EVC2: variants seen among roughly 807,000 people sequenced by gnomAD.
EVC2 encodes limbin.
EVC2 carries 148 observed loss-of-function variants against 149.3 expected under a neutral mutation model. The ratio of observed to expected loss-of-function variants is 0.99; its 90% confidence interval spans 0.87 to 1.14. EVC2 has a LOEUF of 1.14. Ranked by LOEUF, EVC2 falls within the 50% of genes most tolerant of loss-of-function variation. EVC2 has a pLI of 0.00. For missense variants in EVC2, 1,854 were observed against 1,627.3 expected, an observed-to-expected ratio of 1.14 and a Z score of -2.40; for synonymous variants, 776 against 649.9, an observed-to-expected ratio of 1.19 and a Z score of -2.95.
intron 21 of EVC2, among the ~76,000 whole-genome samples, chr4:5,553,628 T>G (rs1017681286): frequency 3.9e-5 from 6 of 152,120 alleles, no homozygotes; most frequent in African/African-American, 1.2e-4. Context: ...ATAAAATTTT[T>G]CAAAAATTAG....
At chr4:5,557,314 A>C (rs1319140571) in intron 21 of EVC2, among the ~76,000 whole-genome samples, 1 of 152,180 alleles carries the variant, frequency 6.6e-6, no homozygotes, top group Admixed American at 6.5e-5. Context: ...CGGGCTAAAG[A>C]AAAAATCCTA....
chr4:5,554,605 G>T lies in EVC2; in HGVS notation c.3419+10653C>A, dbSNP rs141135286. On this transcript the variant is annotated intron_variant and NMD_transcript_variant, in intron 21 of 22. Coordinates refer to the EVC2 transcript ENST00000475313. ...CCCTTCCCCAGCACACCACCAGAGG[G>T]AAGACATTTTCCTGGCTCCAGCCCC... Among the ~76,000 whole-genome samples the T allele has an allele frequency of 3.8e-3, 576 of 152,296 alleles. 4 individuals are homozygous for T. The highest frequency in any genetic ancestry group is 0.013 in the African/African-American group (542 of 41,566).
intron 1 of EVC2, among the ~76,000 whole-genome samples, chr4:5,706,553 A>G (rs1722212951): frequency 6.6e-6 from 1 of 151,968 alleles, no homozygotes; most frequent in African/African-American, 2.4e-5. Flanking sequence ...AATAGGAAGA[A>G]CTAACCTGTG....
chr4:5,687,562 G>A (rs1053659456), intron 5 of EVC2, among the ~76,000 whole-genome samples: 1 of 152,136 alleles, frequency 6.6e-6, no homozygotes, highest in African/African-American at 2.4e-5. Flanking sequence ...GTGGAAGTTT[G>A]GAGGCAGAGG....
chr4:5,578,925 T>C (rs1711519212), intron 17 of EVC2, among the ~76,000 whole-genome samples: 1 of 152,018 alleles, frequency 6.6e-6, no homozygotes. Flanking sequence ...TGTCTTAGAA[T>C]ATAGATAGGA....
intron 16 of EVC2, among the ~76,000 whole-genome samples, chr4:5,605,053 T>C (rs1441606934): frequency 1.3e-5 from 2 of 152,206 alleles, no homozygotes; most frequent in Non-Finnish European, 2.9e-5. Context: ...TTTCTCTTCC[T>C]CATGATTTTC....
At chr4:5,539,765 T>C (rs534935623), downstream of EVC2, among the ~76,000 whole-genome samples, 1 of 140,388 alleles carries the variant, frequency 7.1e-6, no homozygotes, top group East Asian at 2.5e-4. Flanking sequence ...GCTTGCACCA[T>C]ATACTACAAA....
At chr4:5,535,223 G>C in the EVC2 span, among the ~76,000 whole-genome samples, 4 of 152,242 alleles carry the variant, frequency 2.6e-5, no homozygotes, top group African/African-American at 7.2e-5. This position sits in a 1 kb window ranked among gnomAD's most constrained non-coding sequence, Gnocchi z 4.7. Flanking sequence ...AGTGCCAACT[G>C]GGAGGCTGGA....
Position 5,588,729 on chromosome 4 carries a change from G to T in EVC2, c.2830-3879C>A, listed in dbSNP as rs552380630. ...GAACAAAAATATGTGTGGTATAGAT[G>T]TAAATATAGACATATAGATATATCT... On this transcript the variant is annotated intron_variant, in intron 16 of 21. Coordinates refer to ENST00000344408, the MANE Select transcript of EVC2 (RefSeq NM_147127.5). Among the ~76,000 whole-genome samples the T allele has an allele frequency of 5.3e-5, 8 of 152,276 alleles. No individual in the cohort carries two copies. The East Asian group carries it at 1.3e-3, about 26-fold the overall frequency.
chr4:5,708,717 G>A, upstream of EVC2: 1 of 454,858 alleles, frequency 2.2e-6, no homozygotes, highest in Non-Finnish European at 3.8e-6. Flanking sequence ...GCGCGGCCCA[G>A]GCGCCCGGCG....
chr4:5,578,164 A>G (rs1723047675), intron 17 of EVC2, among the ~76,000 whole-genome samples: 1 of 152,206 alleles, frequency 6.6e-6, no homozygotes, highest in Non-Finnish European at 1.5e-5. Context: ...TGTCTTCCCT[A>G]ATAGCTGATT....
intron 16 of EVC2, among the ~76,000 whole-genome samples, chr4:5,592,370 G>A (rs528976135): frequency 8.0e-4 from 122 of 152,274 alleles, no homozygotes; most frequent in African/African-American, 2.6e-3. Flanking sequence ...AGAATCTAGC[G>A]GTGCCACTAG....
At chr4:5,594,833 G>A (rs1054565074) in intron 16 of EVC2, among the ~76,000 whole-genome samples, 13 of 152,124 alleles carry the variant, frequency 8.5e-5, no homozygotes, top group African/African-American at 2.7e-4. Flanking sequence ...AAAAATTTAG[G>A]CGAATGTATA....
chr4:5,703,796 A>G (rs1390281566), intron 1 of EVC2, among the ~76,000 whole-genome samples: 2 of 152,228 alleles, frequency 1.3e-5, no homozygotes, highest in Non-Finnish European at 2.9e-5. Context: ...CATATATAGT[A>G]TATTAGAAGG....
Position 5,594,701 on chromosome 4 carries a change from C to T in EVC2, c.2830-9851G>A, listed in dbSNP as rs144741792. ...AAGGAACGCAGCTCCTCACCAGCAA[C>T]GGAACAAAGCTGGAGGGAGAATGAC... On this transcript the variant is annotated intron_variant, in intron 16 of 21. Coordinates refer to ENST00000344408, the MANE Select transcript of EVC2 (RefSeq NM_147127.5). Among the ~76,000 whole-genome samples the T allele has an allele frequency of 7.7e-3, 1,170 of 152,252 alleles. 13 individuals are homozygous for T. Among genetic ancestry groups the T allele is most frequent in the Non-Finnish European group, 0.012 (807 of 68,040 alleles).
the EVC2 span, among the ~76,000 whole-genome samples, chr4:5,536,041 T>C: frequency 6.6e-6 from 1 of 151,990 alleles, no homozygotes; most frequent in South Asian, 2.1e-4. Flanking sequence ...GCCCATCTGC[T>C]TGGATTCCTG....
intron 16 of EVC2, among the ~76,000 whole-genome samples, chr4:5,592,395 G>A (rs997158606): frequency 6.6e-6 from 1 of 152,180 alleles, no homozygotes; most frequent in African/African-American, 2.4e-5. Context: ...AACCTCCAGT[G>A]GCAAAAGAGG....
rs1305301849 is a variant in EVC2 at position 5,565,319 on chromosome 4, G to A, written c.3598C>T (p.Arg1200Ter). The A allele has an allele frequency of 2.5e-6, 4 of 1,614,008 alleles. No individual in the cohort carries two copies. The highest frequency in any genetic ancestry group is 4.5e-5 in the East Asian group (2 of 44,874). Residue 1200 changes from arginine to a stop codon, truncating the protein, a stop_gained, in exon 21 of 22, where the codon CGA becomes TGA. Coordinates refer to ENST00000344408, the MANE Select transcript of EVC2 (RefSeq NM_147127.5). LOFTEE classifies it high-confidence loss of function. The part of the protein sequence containing the change: ...SWWQALDGKL[R>*]GDLISRGLEK... ...AATCCTCTGCTTATCAGATCTCCTC[G>A]CAGTTTGCCATCTAAGGCTTGCCAC...
Position 5,613,948 on chromosome 4 carries a change from A to C in EVC2, c.2829+1474T>G, listed in dbSNP as rs999276217. Among the ~76,000 whole-genome samples the C allele has an allele frequency of 6.6e-6, 1 of 152,206 alleles. No homozygotes were observed. The highest frequency in any genetic ancestry group is 2.4e-5 in the African/African-American group (1 of 41,464). On this transcript the variant is annotated intron_variant, in intron 16 of 21. Coordinates refer to ENST00000344408, the MANE Select transcript of EVC2 (RefSeq NM_147127.5). This position sits in a 1 kb window ranked among gnomAD's most constrained non-coding sequence, Gnocchi z 4.6. ...CGAGATCGTGCATTCGTGTTCTGAG[A>C]AATACACCGGCACTAAAATAAAAAC...
Sources: allele counts gnomAD v4.1 joint callset (sites outside exome capture counted in the v4.1 genomes callset), GRCh38; gene constraint gnomAD v4.1.1; non-coding constraint Gnocchi (gnomAD v3.1); transcripts MANE v1.5; gene names NCBI Gene and HGNC (gene_info 2026-07-23, HGNC 2026-07-21).